The following NRG1 variants were observed in gnomAD, a reference collection of about 807,000 sequenced individuals.
NRG1 encodes the protein pro-neuregulin-1, membrane-bound isoform.
In NRG1, 18 loss-of-function variants were observed where a neutral mutation model predicts 63.8. The ratio of observed to expected loss-of-function variants is 0.28; its 90% CI spans 0.19 to 0.42. The LOEUF (loss-of-function observed/expected upper bound fraction) is 0.42. Ranked by LOEUF, NRG1 falls within the 10% of genes least tolerant of loss-of-function variation. The pLI, the probability that NRG1 is intolerant of heterozygous loss-of-function variation, is 1.00. For synonymous variants in NRG1, 302 were observed against 301.3 expected (o/e 1.00, Z -0.02); for missense variants, 762 against 814.7 (o/e 0.94, Z 0.79).
At chr8:31,756,580 C>T (rs1402750048) in intron 1 of NRG1, among the ~76,000 whole-genome samples, 2 of 152,138 alleles carry the variant, frequency 1.3e-5, no homozygotes, top group Non-Finnish European at 2.9e-5. Flanking sequence ...TCCTTCCAAG[C>T]TTAGATGACA....
chr8:32,403,328 A>G (rs1412293346), intron 1 of NRG1, among the ~76,000 whole-genome samples: 4 of 151,748 alleles, frequency 2.6e-5, no homozygotes, highest in Non-Finnish European at 2.9e-5. Flanking sequence ...AAGAAAGAAA[A>G]AAGAAATGAG....
rs1803592709 is a variant in NRG1, at chr8:31,640,121, C to T, written c.37+690C>T. The T allele has an allele frequency of 5.2e-6, 6 of 1,153,680 alleles. No homozygotes were observed. Among genetic ancestry groups the T allele is most frequent in the East Asian group, 4.1e-5 (1 of 24,254 alleles). The allele number at this position is 1,153,680 out of a possible 1,614,324, so 71.5% of individuals were successfully genotyped here. ...CTGCTGGGGACCGCGGCCCTGGCGC[C>T]GGGGGCGGCGGCCGGCAACGAGGCG... On this transcript the variant is annotated intron_variant, in intron 1 of 10. Coordinates refer to the NRG1 transcript ENST00000519301. This position sits in a 1 kb window ranked among gnomAD's most constrained non-coding sequence, Gnocchi z 6.3.
Position 32,202,879 on chromosome 8 carries a change from G to A in NRG1, c.38-392949G>A, listed in dbSNP as rs151296532. ...GGCACACGATAGGGGGTTGCAGTGG[G>A]TCAAAAGGCAACATTTGGGTGCAAA... On this transcript the variant is annotated intron_variant, in intron 1 of 10. Coordinates refer to the NRG1 transcript ENST00000519301. Among the ~76,000 whole-genome samples, 167 of 151,460 alleles carry A rather than the reference G, an allele frequency of 1.1e-3. 5 individuals carry two copies. The East Asian group carries it at 0.032, about 29-fold the overall frequency.
intron 1 of NRG1, among the ~76,000 whole-genome samples, chr8:31,851,337 T>A (rs1410443625): frequency 6.6e-6 from 1 of 152,210 alleles, no homozygotes; most frequent in Non-Finnish European, 1.5e-5. Flanking sequence ...GGTTATTGTA[T>A]CTGTAAAAAT....
At chr8:32,220,128 G>A (rs569936223) in intron 1 of NRG1, among the ~76,000 whole-genome samples, 3 of 152,274 alleles carry the variant, frequency 2.0e-5, no homozygotes, top group East Asian at 1.9e-4. Context: ...CAGCACAGTG[G>A]GGACTATTAA....
intron 1 of NRG1, among the ~76,000 whole-genome samples, chr8:32,092,519 A>G (rs1181513368): frequency 6.6e-6 from 1 of 151,946 alleles, no homozygotes; most frequent in Non-Finnish European, 1.5e-5. Flanking sequence ...GTTGATAGGA[A>G]GCTTAGTGAA....
intron 7 of NRG1, chr8:32,749,766 C>T (rs1828308881): frequency 3.1e-6 from 2 of 644,986 alleles, no homozygotes; most frequent in Non-Finnish European, 5.4e-6. Flanking sequence ...TGAAATGTTA[C>T]TGAGTGCAGC....
chr8:31,832,597 A>G (rs1825276233), intron 1 of NRG1, among the ~76,000 whole-genome samples: 1 of 152,116 alleles, frequency 6.6e-6, no homozygotes, highest in African/African-American at 2.4e-5. Context: ...AATGGCTGCA[A>G]TTTAGGGTCT....
intron 1 of NRG1, among the ~76,000 whole-genome samples, chr8:32,354,750 A>G (rs963359669): frequency 2.5e-4 from 33 of 134,544 alleles, no homozygotes; most frequent in Non-Finnish European, 5.1e-4. Flanking sequence ...ATAAATAAAT[A>G]AATGCACTTT....
intron 1 of NRG1, among the ~76,000 whole-genome samples, chr8:31,713,413 G>A (rs1362431703): frequency 2.0e-5 from 3 of 152,086 alleles, no homozygotes; most frequent in Non-Finnish European, 2.9e-5. Context: ...ACCACGCCTG[G>A]CCACTCCTTC....
chr8:32,298,434 A>G (rs1586690488), intron 1 of NRG1, among the ~76,000 whole-genome samples: 1 of 152,210 alleles, frequency 6.6e-6, no homozygotes, highest in East Asian at 1.9e-4. Flanking sequence ...CTATAAAACA[A>G]AGATGATATT....
intron 1 of NRG1, among the ~76,000 whole-genome samples, chr8:32,040,015 C>G (rs1311504395): frequency 6.6e-6 from 1 of 152,104 alleles, no homozygotes; most frequent in African/African-American, 2.4e-5. Flanking sequence ...GAGCCAGATC[C>G]TGTCTCAAAA....
intron 5 of NRG1, among the ~76,000 whole-genome samples, chr8:32,723,886 A>C (rs1206127378): frequency 6.6e-6 from 1 of 152,020 alleles, no homozygotes; most frequent in African/African-American, 2.4e-5. Context: ...GGAACCTCTA[A>C]ATGATAATAG....
intron 1 of NRG1, among the ~76,000 whole-genome samples, chr8:32,194,965 T>A (rs1842827232): frequency 6.6e-6 from 1 of 152,196 alleles, no homozygotes; most frequent in South Asian, 2.1e-4. Context: ...TATAGTTTAT[T>A]CCTAGGAAGT....
chr8:31,686,115 G>A (rs543203944), intron 1 of NRG1, among the ~76,000 whole-genome samples: 61 of 152,160 alleles, frequency 4.0e-4, no homozygotes, highest in African/African-American at 6.5e-4. Flanking sequence ...GTAAAATTGC[G>A]ATTTTATTTA....
chr8:31,780,352 T>C (rs537098504), intron 1 of NRG1, among the ~76,000 whole-genome samples: 10 of 152,224 alleles, frequency 6.6e-5, no homozygotes, highest in Non-Finnish European at 1.5e-4. Context: ...ATCATCTTTA[T>C]AATAGGCTTA....
At chr8:32,086,565 C>T (rs1216827712) in intron 1 of NRG1, among the ~76,000 whole-genome samples, 2 of 152,142 alleles carry the variant, frequency 1.3e-5, no homozygotes, top group Non-Finnish European at 2.9e-5. Flanking sequence ...ATTGTGATAA[C>T]TACAACTTAT....
At chr8:32,005,688 C>T (rs908925831) in intron 1 of NRG1, among the ~76,000 whole-genome samples, 9 of 152,024 alleles carry the variant, frequency 5.9e-5, no homozygotes, top group Admixed American at 3.9e-4. Flanking sequence ...TATAATAATT[C>T]AAATGCCTCT....
chr8:32,532,995 C>G (rs771930597), intron 1 of NRG1, among the ~76,000 whole-genome samples: 11 of 151,154 alleles, frequency 7.3e-5, no homozygotes, highest in Non-Finnish European at 1.2e-4. Context: ...ATAACCTATG[C>G]CTTAGATTAC....
Sources: gnomAD v4.1 joint callset for allele counts (sites outside exome capture counted in the v4.1 genomes callset) on GRCh38, gnomAD v4.1.1 for gene constraint, Gnocchi (gnomAD v3.1) non-coding constraint, MANE v1.5 for transcripts, NCBI Gene and HGNC (gene_info 2026-07-23, HGNC 2026-07-21) for gene names.